The following VWF variants were observed in gnomAD, a reference collection of about 807,000 sequenced individuals.
The protein encoded by VWF is von Willebrand factor.
VWF carries 176 observed loss-of-function variants against 308.6 expected under a neutral mutation model. The ratio of observed to expected loss-of-function variants is 0.57; its 90% CI spans 0.50 to 0.65. VWF has a LOEUF of 0.65. Ranked by LOEUF, VWF falls within the 30% of genes least tolerant of loss-of-function variation. VWF has a pLI of 0.00. For missense variants in VWF, 3,146 were observed against 3,648.2 expected (o/e 0.86, Z 3.55); for synonymous variants, 1,385 against 1,443.4 (o/e 0.96, Z 0.92).
intron 5 of VWF, among the ~76,000 whole-genome samples, chr12:6,097,463 A>G (rs185775211): frequency 7.5e-4 from 114 of 152,180 alleles, no homozygotes; most frequent in Admixed American, 1.6e-3. Flanking sequence ...AAAACAAAAC[A>G]AAACAAAAAA....
intron 27 of VWF, chr12:6,021,537 A>AT (rs1944128876): frequency 4.3e-6 from 1 of 230,068 alleles, no homozygotes; most frequent in Non-Finnish European, 8.6e-6. Context: ...CACCTCCAGT[A>AT]TATGGACACC....
intron 21 of VWF, among the ~76,000 whole-genome samples, 154 bp downstream of exon 21, chr12:6,031,290 C>T (rs753226793): frequency 9.2e-5 from 14 of 152,172 alleles, no homozygotes; most frequent in Admixed American, 2.6e-4. Flanking sequence ...TAAAATAATA[C>T]GTCACGGTCA....
rs1331389023 is a variant in VWF, at chr12:5,971,728, C to A, written c.7438-19G>T. On this transcript the variant is annotated intron_variant, in intron 43 of 51. Coordinates refer to ENST00000261405, the MANE Select transcript of VWF (RefSeq NM_000552.5). ...TGAAGCCCTGGAAAAGCAGAAAAAACAGAGTAAGGACAGGCCAGCAGCAAA... is the reference window on the plus strand; with the variant it reads ...TGAAGCCCTGGAAAAGCAGAAAAAAAAGAGTAAGGACAGGCCAGCAGCAAA... 16 of 1,609,340 alleles carry A rather than the reference C, an allele frequency of 9.9e-6. No homozygotes were observed. Among genetic ancestry groups the A allele is most frequent in the Non-Finnish European group, 1.3e-5 (15 of 1,175,826 alleles).
intron 30 of VWF, 112 bp downstream of exon 30, chr12:6,016,404 G>A: frequency 7.0e-7 from 1 of 1,419,802 alleles, no homozygotes; most frequent in Non-Finnish European, 9.7e-7. Flanking sequence ...CTTTCCAGGA[G>A]AAGAAACTAA....
chr12:6,064,147 G>A, intron 12 of VWF, 99 bp downstream of exon 12: 1 of 1,576,446 alleles, frequency 6.3e-7, no homozygotes, highest in Non-Finnish European at 8.7e-7. Context: ...CATGGAAGAG[G>A]CATGCAGGTC....
chr12:6,016,070 C>T lies in VWF; in HGVS notation c.5455+19G>A. ...AAGTCTCGCTCTCCTGAATTGAGGA[C>T]TGTACACCAGATTCTTACTGTTGGA... On this transcript the variant is annotated intron_variant, in intron 31 of 51. Transcript: ENST00000261405. 6.2e-7 allele frequency: 1 copy of T among 1,614,016 alleles called. No homozygotes were observed. Among genetic ancestry groups the T allele is most frequent in the Non-Finnish European group, 8.5e-7 (1 of 1,179,878 alleles).
intron 47 of VWF, among the ~76,000 whole-genome samples, chr12:5,966,347 T>C (rs1242347634): frequency 1.3e-5 from 2 of 152,174 alleles, no homozygotes; most frequent in African/African-American, 4.8e-5. Context: ...TCAACTGGGA[T>C]TTTTAAAAAA....
Position 5,993,929 on chromosome 12 carries a change from G to T in VWF, c.6531C>A (p.Ile2177=), listed in dbSNP as rs781225932. The part of the protein sequence containing the change: ...SCHQEQVCEV[I]ASYAHLCRTN... ...TCCGACAGAGGTGGGCATAAGAGGC[G>T]ATCACCTCACACACTTGCTCCTGGT... The change falls in exon 37 of 52, where the codon ATC becomes ATA. Residue 2177 remains isoleucine (I), a synonymous_variant. Coordinates refer to ENST00000261405, the MANE Select transcript of VWF (RefSeq NM_000552.5). 7.4e-5 allele frequency: 120 copies of T among 1,613,852 alleles called. No individual in the cohort carries two copies. The highest frequency in any genetic ancestry group is 9.9e-5 in the Non-Finnish European group (117 of 1,180,014).
At chr12:6,002,200 T>A in intron 34 of VWF, among the ~76,000 whole-genome samples, 1 of 150,770 alleles carries the variant, frequency 6.6e-6, no homozygotes, top group Non-Finnish European at 1.5e-5. Context: ...TAAAAGAAAA[T>A]TCAAGGAAAG....
intron 47 of VWF, among the ~76,000 whole-genome samples, chr12:5,955,369 C>G (rs966610879): frequency 2.6e-5 from 4 of 151,350 alleles, no homozygotes; most frequent in Admixed American, 6.6e-5. Flanking sequence ...CCTCCCCACT[C>G]CCCCCACCCC....
intron 47 of VWF, among the ~76,000 whole-genome samples, chr12:5,957,871 A>T (rs962095258): frequency 6.6e-6 from 1 of 152,230 alleles, no homozygotes; most frequent in African/African-American, 2.4e-5. Context: ...TTTAAATTCC[A>T]TATAAGACAA....
chr12:6,045,303 A>G (rs11831449), intron 17 of VWF, among the ~76,000 whole-genome samples: 60,152 of 152,112 alleles, frequency 0.4, 13,234 homozygotes, highest in African/African-American at 0.58. Context: ...CAAAATTTCT[A>G]GCCTTATTTT....
chr12:5,998,494 A>AC (rs1943835451), intron 34 of VWF, among the ~76,000 whole-genome samples: 2 of 36,478 alleles, frequency 5.5e-5, no homozygotes, highest in Non-Finnish European at 9.0e-5. Context: ...AAAAAAAAAA[A>AC]AAAAATATAT....
At chr12:5,952,849 T>C (rs942380319) in intron 48 of VWF, among the ~76,000 whole-genome samples, 1 of 152,164 alleles carries the variant, frequency 6.6e-6, no homozygotes, top group African/African-American at 2.4e-5. Context: ...CACCAGCTAG[T>C]CCGGACTTCA....
Position 6,019,032 on chromosome 12 carries a change from A to C in VWF, c.4386T>G (p.Pro1462=). 6.2e-7 allele frequency: 1 copy of C among 1,613,890 alleles called. No individual in the cohort carries two copies. Among genetic ancestry groups the C allele is most frequent in the Non-Finnish European group, 8.5e-7 (1 of 1,179,832 alleles). ...GGGGCAGAGTAGGAGGAGGGGCTTCAGGGGCAAGGTCACAGAGGTAGCTAA... is the reference window on the plus strand; with the variant it reads ...GGGGCAGAGTAGGAGGAGGGGCTTCCGGGGCAAGGTCACAGAGGTAGCTAA... ...EIVSYLCDLA[P]EAPPPTLPPD... is the part of the protein sequence containing the mutation. Residue 1462 remains proline (P), a synonymous_variant, in exon 28 of 52, where the codon CCT becomes CCG. Transcript: ENST00000261405. The surrounding 1 kb of genome is among the most constrained non-coding windows in gnomAD (Gnocchi z 5.8).
chr12:6,017,728 T>C (rs920192823), intron 28 of VWF, among the ~76,000 whole-genome samples: 4 of 152,336 alleles, frequency 2.6e-5, no homozygotes, highest in Middle Eastern at 6.8e-3. Context: ...ATCCTTTGTA[T>C]AGATGATATA....
intron 38 of VWF, among the ~76,000 whole-genome samples, chr12:5,990,868 TAAAAAAAAAAAAAAA>T (rs755717764): frequency 0.066 from 2,032 of 30,920 alleles, 35 homozygotes; most frequent in Non-Finnish European, 0.084. Context: ...CCCATAGAGC[TAAAAAAAAAAAAAAA>T]AAAAAAAAAA....
intron 3 of VWF, among the ~76,000 whole-genome samples, chr12:6,113,041 A>G (rs1945327040): frequency 1.3e-5 from 2 of 152,172 alleles, no homozygotes; most frequent in Non-Finnish European, 2.9e-5. Context: ...AGCCACCAGG[A>G]AAGACACACA....
At chr12:6,109,806 A>C (rs1945285576) in intron 5 of VWF, among the ~76,000 whole-genome samples, 1 of 152,074 alleles carries the variant, frequency 6.6e-6, no homozygotes, top group Non-Finnish European at 1.5e-5. Context: ...ACCCGCCACC[A>C]CGCCTGGCTA....
Sources: allele counts gnomAD v4.1 joint callset (sites outside exome capture counted in the v4.1 genomes callset), GRCh38; gene constraint gnomAD v4.1.1; non-coding constraint Gnocchi (gnomAD v3.1); transcripts MANE v1.5; gene names NCBI Gene and HGNC (gene_info 2026-07-23, HGNC 2026-07-21).